The following CACNA2D1 variants were observed in gnomAD, a reference collection of about 807,000 sequenced individuals.
CACNA2D1 encodes the protein voltage-dependent calcium channel subunit alpha-2/delta-1.
Under a neutral mutation model 171.5 loss-of-function variants are expected in CACNA2D1, and 53 were observed. That is an observed-to-expected ratio of 0.31 (90% CI 0.25 to 0.39). CACNA2D1 has a LOEUF of 0.39. CACNA2D1 is among the 10% of genes least tolerant of loss of function. The pLI, the probability that CACNA2D1 is intolerant of heterozygous loss-of-function variation, is 1.00. For synonymous variants in CACNA2D1, 442 were observed against 443.1 expected (o/e 1.00, Z 0.03); for missense variants, 903 against 1,299.8 (o/e 0.69, Z 4.69).
chr7:82,330,025 C>A (rs1185544281), intron 3 of CACNA2D1, among the ~76,000 whole-genome samples: 1 of 151,898 alleles, frequency 6.6e-6, no homozygotes, highest in East Asian at 1.9e-4. Context: ...ACATAAGAGT[C>A]ATCAGAATCA....
At chr7:82,231,068 G>A (rs1262404975) in intron 3 of CACNA2D1, among the ~76,000 whole-genome samples, 1 of 152,170 alleles carries the variant, frequency 6.6e-6, no homozygotes, top group Non-Finnish European at 1.5e-5. Flanking sequence ...TTAATGAGCT[G>A]GTATGACACT....
At chr7:81,983,779 C>G (rs1562820385) in intron 22 of CACNA2D1, among the ~76,000 whole-genome samples, 1 of 152,102 alleles carries the variant, frequency 6.6e-6, no homozygotes, top group Non-Finnish European at 1.5e-5. Flanking sequence ...GTATAATGCA[C>G]AGTGAACACC....
At chr7:82,121,937 G>C (rs1379159958) in intron 5 of CACNA2D1, among the ~76,000 whole-genome samples, 1 of 151,978 alleles carries the variant, frequency 6.6e-6, no homozygotes. Context: ...ACTAAGAAAA[G>C]AAAGTTTTAA....
intron 4 of CACNA2D1, among the ~76,000 whole-genome samples, chr7:82,150,374 C>T (rs1408454987): frequency 4.2e-5 from 6 of 141,682 alleles, no homozygotes; most frequent in African/African-American, 1.6e-4. Context: ...CCCAACAGAA[C>T]TTAAAGAGCC....
intron 3 of CACNA2D1, among the ~76,000 whole-genome samples, chr7:82,285,499 C>T (rs1045472126): frequency 2.6e-5 from 4 of 152,016 alleles, no homozygotes; most frequent in Non-Finnish European, 2.9e-5. Flanking sequence ...AAATGAAGTA[C>T]GTAACTGTTA....
intron 21 of CACNA2D1, among the ~76,000 whole-genome samples, chr7:81,989,448 G>A (rs1469011321): frequency 6.6e-6 from 1 of 152,154 alleles, no homozygotes; most frequent in Non-Finnish European, 1.5e-5. Flanking sequence ...TCTAATAGTG[G>A]GAGTTCTTTC....
chr7:82,353,214 C>T (rs929098170), intron 1 of CACNA2D1, among the ~76,000 whole-genome samples: 1 of 152,106 alleles, frequency 6.6e-6, no homozygotes, highest in African/African-American at 2.4e-5. Context: ...GTACAAGGAA[C>T]TAGCTCAACA....
chr7:82,113,588 A>G (rs1788692191), intron 6 of CACNA2D1, among the ~76,000 whole-genome samples: 2 of 152,200 alleles, frequency 1.3e-5, no homozygotes, highest in South Asian at 4.1e-4. Flanking sequence ...TTGTGAAATT[A>G]GAACACGAGG....
chr7:82,065,693 T>C (rs1290160866), intron 8 of CACNA2D1, among the ~76,000 whole-genome samples: 1 of 152,154 alleles, frequency 6.6e-6, no homozygotes. Context: ...AAACGTCCAA[T>C]AATAAGGGAT....
At chr7:82,300,197 T>A (rs1463882903) in intron 3 of CACNA2D1, among the ~76,000 whole-genome samples, 2 of 142,496 alleles carry the variant, frequency 1.4e-5, no homozygotes, top group Non-Finnish European at 3.0e-5. Context: ...AGTTAGGGAA[T>A]TTTTTTTTTA....
chr7:81,976,542 T>C (rs1795861963), intron 24 of CACNA2D1, among the ~76,000 whole-genome samples: 1 of 152,184 alleles, frequency 6.6e-6, no homozygotes, highest in Non-Finnish European at 1.5e-5. Flanking sequence ...ATTTGGCTGT[T>C]TGTCTATTAT....
At chr7:82,297,029 G>C (rs897860116) in intron 3 of CACNA2D1, among the ~76,000 whole-genome samples, 2 of 138,788 alleles carry the variant, frequency 1.4e-5, no homozygotes, top group Non-Finnish European at 3.0e-5. Flanking sequence ...AAGTCCAGGA[G>C]TTGGAGACCA....
chr7:82,085,686 GT>G (rs199517326), intron 6 of CACNA2D1, among the ~76,000 whole-genome samples: 274 of 147,492 alleles, frequency 1.9e-3, no homozygotes, highest in African/African-American at 4.6e-3. Flanking sequence ...ATAAACAATA[GT>G]TTTTTTTTTT....
At chr7:82,184,153 G>C in intron 3 of CACNA2D1, among the ~76,000 whole-genome samples, 1 of 145,572 alleles carries the variant, frequency 6.9e-6, no homozygotes, top group Non-Finnish European at 1.5e-5. Context: ...CGTTGCTGTG[G>C]AAACATCGGT....
chr7:81,978,822 T>TATA (rs1562811993), intron 24 of CACNA2D1, among the ~76,000 whole-genome samples: 178 of 33,326 alleles, frequency 5.3e-3, no homozygotes, highest in African/African-American at 0.016. Context: ...ATATATATAT[T>TATA]TATTTATTTA....
At chr7:82,016,608 C>A (rs1755368452) in intron 12 of CACNA2D1, among the ~76,000 whole-genome samples, 2 of 3,660 alleles carry the variant, frequency 5.5e-4, no homozygotes, top group African/African-American at 2.6e-3. Context: ...CACTAGCCGC[C>A]CGCCCCCCCC....
chr7:81,968,391 A>G (rs1218161487), intron 29 of CACNA2D1, among the ~76,000 whole-genome samples: 1 of 151,352 alleles, frequency 6.6e-6, no homozygotes. Flanking sequence ...TCATTTTTCT[A>G]TATATTTTAT....
At chr7:81,973,002 A>C (rs1217037429) in intron 25 of CACNA2D1, among the ~76,000 whole-genome samples, 1 of 151,990 alleles carries the variant, frequency 6.6e-6, no homozygotes, top group Non-Finnish European at 1.5e-5. Context: ...TTGGAAAGTA[A>C]ATGTTCTAAT....
intron 6 of CACNA2D1, among the ~76,000 whole-genome samples, chr7:82,088,083 T>G (rs996474691): frequency 1.3e-5 from 2 of 152,140 alleles, no homozygotes; most frequent in African/African-American, 2.4e-5. Context: ...TAGGAAGTTT[T>G]TTTTGTTTTG....
Sources: gnomAD v4.1 joint callset for allele counts (sites outside exome capture counted in the v4.1 genomes callset) on GRCh38, gnomAD v4.1.1 for gene constraint, MANE v1.5 for transcripts, NCBI Gene and HGNC (gene_info 2026-07-23, HGNC 2026-07-21) for gene names.